Variants in SRCAP observed in about 807,000 individuals in gnomAD.
SRCAP encodes the protein Snf2 related CREBBP activator protein, also known as chromatin remodeling protein SRCAP.
In SRCAP, 46 loss-of-function variants were observed where a neutral mutation model predicts 263.1. The ratio of observed to expected loss-of-function variants is 0.17; its 90% CI spans 0.14 to 0.22. The LOEUF is 0.22. SRCAP is among the 10% of genes least tolerant of loss of function. SRCAP has a pLI of 1.00. For synonymous variants in SRCAP, 1,813 were observed against 1,662.1 expected (o/e 1.09, Z -2.21); for missense variants, 3,695 against 4,181.9 (o/e 0.88, Z 3.21).
chr16:30,721,152 A>T (rs750923887), intron 20 of SRCAP, 37 bp from the exon 21 acceptor site: 1 of 1,565,586 alleles, frequency 6.4e-7, no homozygotes, highest in African/African-American at 1.4e-5. Flanking sequence ...GGCTTTAGTC[A>T]GGGTATATCT....
chr16:30,717,610 C>CTT (rs34512915), intron 18 of SRCAP, among the ~76,000 whole-genome samples: 38,149 of 91,250 alleles, frequency 0.42, 11,518 homozygotes, highest in East Asian at 0.77. Flanking sequence ...CCAAGCCTGG[C>CTT]TTTTTTTTTT....
chr16:30,728,856 T>C (rs1055949887), intron 25 of SRCAP, 110 bp from the exon 26 acceptor site: 3 of 1,314,092 alleles, frequency 2.3e-6, no homozygotes, highest in African/African-American at 1.5e-5. Context: ...GCATAGTGTA[T>C]TTTTGGATCC....
chr16:30,730,338 C>CGCTTAGACCACAAGAGCATTT (rs11268096), intron 27 of SRCAP, among the ~76,000 whole-genome samples: 2 of 152,158 alleles, frequency 1.3e-5, no homozygotes, highest in South Asian at 2.1e-4. Context: ...AACTAACAGT[C>CGCTTAGACCACAAGAGCATTT]ATTGTTTTCT....
At chr16:30,721,577 C>T in intron 21 of SRCAP, 101 bp downstream of exon 21, 1 of 1,453,282 alleles carries the variant, frequency 6.9e-7, no homozygotes, top group Non-Finnish European at 9.2e-7. Flanking sequence ...CATGATGGCT[C>T]ATGCCTATAA....
Position 30,712,904 on chromosome 16 carries a change from T to C in SRCAP, c.2130+89T>C, listed in dbSNP as rs540648031. 6 of 1,479,500 alleles carry C rather than the reference T, an allele frequency of 4.1e-6. No individual in the cohort carries two copies. In the Admixed American group the frequency reaches 7.1e-5, roughly 18 times the overall value. The allele number at this position is 1,479,500 out of a possible 1,614,324, so 91.6% of individuals were successfully genotyped here. ...TCAGGTGAATTCCTTTCTCTCCTCT[T>C]TCTTTTTTAAAAAAAATTTTTTAAT... On this transcript the variant is annotated intron_variant, in intron 14 of 33. Transcript: ENST00000262518.
At position 30,733,997 on chromosome 16, in the gene SRCAP, T is replaced by C. The variant is rs749536337; in HGVS notation, c.6598T>C (p.Tyr2200His). The C allele has an allele frequency of 6.2e-7, 1 of 1,608,260 alleles. No homozygotes were observed. The change falls in exon 30 of 34, where the codon TAT (tyrosine) becomes CAT (histidine). Residue 2200 changes from tyrosine (Y) to histidine (H), a missense_variant. By Grantham distance (83) the Tyr-to-His change is moderately conservative. This residue lies in a region of SRCAP where 138 missense variants were observed against 254.9 expected (regional missense o/e 0.54). Coordinates refer to ENST00000262518, the MANE Select transcript of SRCAP (RefSeq NM_006662.3). The surrounding 1 kb of genome is among the most constrained non-coding windows in gnomAD (Gnocchi z 5.3). ...AIEGGNFTTA[Y>H]FKQQTIRELF... ...TGAGGGAGGCAACTTCACCACAGCCTATTTCAAACAGGTACTAAGTAAGAT... is the reference window on the plus strand; with the variant it reads ...TGAGGGAGGCAACTTCACCACAGCCCATTTCAAACAGGTACTAAGTAAGAT...
chr16:30,714,576 T>G (rs2052927441), intron 16 of SRCAP, among the ~76,000 whole-genome samples: 1 of 134,562 alleles, frequency 7.4e-6, no homozygotes, highest in Non-Finnish European at 1.6e-5. Flanking sequence ...ATCTGGCTCA[T>G]TGCAACCTCC....
At chr16:30,714,936 C>A (rs1183863388) in intron 16 of SRCAP, among the ~76,000 whole-genome samples, 1 of 152,088 alleles carries the variant, frequency 6.6e-6, no homozygotes, top group African/African-American at 2.4e-5. Context: ...TCTCTCTGGT[C>A]TTCTTTGGCT....
Position 30,716,287 on chromosome 16 carries a change from C to T in SRCAP, c.2631-6C>T. 4 of 1,613,722 alleles carry T rather than the reference C, an allele frequency of 2.5e-6. No individual in the cohort carries two copies. Among genetic ancestry groups the T allele is most frequent in the Non-Finnish European group, 2.5e-6 (3 of 1,179,734 alleles). The stretch of plus-strand genomic sequence containing the variant: ...GACGTCTCATTTATTTTTCCTCTTT[C>T]CCCAGAACTAAGGAGACACTAGCCA... On this transcript the variant is annotated splice_polypyrimidine_tract_variant and splice_region_variant and intron_variant, in intron 17 of 33. Coordinates refer to ENST00000262518, the MANE Select transcript of SRCAP (RefSeq NM_006662.3).
At chr16:30,710,673 T>C in intron 8 of SRCAP, 81 bp from the exon 9 acceptor site, 2 of 1,387,100 alleles carry the variant, frequency 1.4e-6, no homozygotes, top group Non-Finnish European at 2.1e-6. Context: ...GTGATTCTCC[T>C]GTGACACCTT....
chr16:30,736,496 T>C (rs1327603264), intron 32 of SRCAP, 45 bp from the exon 33 acceptor site: 7 of 1,612,952 alleles, frequency 4.3e-6, no homozygotes, highest in Non-Finnish European at 3.4e-6. Context: ...GGTGGGGCCC[T>C]GGGTACCAGG....
Position 30,707,779 on chromosome 16 carries a change from AATG to A in SRCAP, c.633+70_633+72del, listed in dbSNP as rs570285253. ...GATTGGTAGATGGCGTGGTAGTAGG[AATG>A]ATCAAAACTTCTTGAGGGAGTAAAT... On this transcript the variant is annotated intron_variant, in intron 6 of 33. Transcript: ENST00000262518. The A allele has an allele frequency of 1.4e-4, 215 of 1,576,638 alleles. No individual in the cohort carries two copies. In the African/African-American group the frequency reaches 2.8e-3, roughly 20 times the overall value.
intron 3 of SRCAP, among the ~76,000 whole-genome samples, chr16:30,702,331 C>G (rs924000698): frequency 6.6e-6 from 1 of 151,976 alleles, no homozygotes; most frequent in African/African-American, 2.4e-5. Context: ...CTCCTGGGTT[C>G]AAGTGATTCT....
Position 30,734,607 on chromosome 16 carries a change from C to G in SRCAP, c.6721C>G (p.Leu2241Val). ...ETVASKQTHI[L>V]EQALCRAEDE... ...TGTGGCCAGCAAGCAGACTCATATT[C>G]TGGAGCAGGTAAAAAAAGAGTGGGC... is the stretch of plus-strand genomic sequence containing the variant. Residue 2241 changes from leucine (L) to valine (V), a missense_variant, in exon 31 of 34, where the codon CTG (leucine) becomes GTG (valine). Leu to Val is a conservative substitution (Grantham distance 32). Transcript: ENST00000262518. The G allele has an allele frequency of 6.2e-7, 1 of 1,614,026 alleles. No homozygotes were observed.
Position 30,709,678 on chromosome 16 carries a change from G to C in SRCAP, c.799G>C (p.Gly267Arg), listed in dbSNP as rs776551448. The change falls in exon 7 of 34, where the codon GGC becomes CGC. Residue 267 changes from glycine (G) to arginine (R), a missense_variant. Gly to Arg is a moderately radical substitution (Grantham distance 125). Around this residue, in one of 12 missense-constraint regions of SRCAP, gnomAD observed 44 missense variants for 42.9 expected, o/e 1.03. Coordinates refer to ENST00000262518, the MANE Select transcript of SRCAP (RefSeq NM_006662.3). ...CAAAGCAGGCTCTTCCCCTTGCCTC[G>C]GCTCTTCCTCAGCTGCCTCCAGTCC... Reference protein sequence around the residue: ...SSKAGSSPCLGSSSAASSPPP... With the variant: ...SSKAGSSPCLRSSSAASSPPP... 1 of 1,613,908 alleles carries C rather than the reference G, an allele frequency of 6.2e-7. No individual in the cohort carries two copies. Among genetic ancestry groups the C allele is most frequent in the African/African-American group, 1.3e-5 (1 of 74,874 alleles).
In SRCAP at chr16:30,740,107, T is replaced by TA; in HGVS notation, c.*377dup. On this transcript the variant is annotated 3_prime_UTR_variant, in exon 34 of 34. Coordinates refer to ENST00000262518, the MANE Select transcript of SRCAP (RefSeq NM_006662.3). ...TTTTTTTTTTAAGAAGAAAAAATAA[T>TA]AAACTTAGTTTCTGTATGAGCATCC... is the stretch of plus-strand genomic sequence containing the variant. The TA allele has an allele frequency of 6.2e-6, 1 of 161,838 alleles. No homozygotes were observed. The highest frequency in any genetic ancestry group is 2.1e-4 in the South Asian group (1 of 4,860). The allele number at this position is 161,838 out of a possible 1,614,324, so 10.0% of individuals were successfully genotyped here. A position where few individuals can be genotyped will look rare whatever the true frequency, so the allele number is the denominator to read the frequency against.
chr16:30,720,948 C>T lies in SRCAP; in HGVS notation c.3223C>T (p.Leu1075=). Residue 1075 remains leucine, a synonymous_variant, in exon 20 of 34, where the codon CTG becomes TTG. Coordinates refer to ENST00000262518, the MANE Select transcript of SRCAP (RefSeq NM_006662.3). ...TCCTGGCCCTGTCCTCTTGCCTCCA[C>T]TGCAGCCCAACAGTGGTTCTCTCCC... ...RPPGPVLLPP[L]QPNSGSLPQV... The T allele has an allele frequency of 6.2e-7, 1 of 1,612,024 alleles. No homozygotes were observed. Among genetic ancestry groups the T allele is most frequent in the Non-Finnish European group, 8.5e-7 (1 of 1,178,876 alleles).
rs1467125883 is a variant in SRCAP at position 30,738,751 on chromosome 16, C to G, written c.8711C>G (p.Ala2904Gly). The G allele has an allele frequency of 1.9e-6, 3 of 1,613,896 alleles. No homozygotes were observed. The highest frequency in any genetic ancestry group is 2.5e-6 in the Non-Finnish European group (3 of 1,179,970). ...PVPGPETLIV[A>G]DPVLEPQLIP... is the part of the protein sequence containing the mutation. ...CCTGGGCCTGAGACCCTAATTGTTG[C>G]AGATCCTGTCCTGGAACCACAGCTT... The change falls in exon 34 of 34, where the codon GCA becomes GGA. Residue 2904 changes from alanine to glycine, a missense_variant. Physicochemically the swap from Ala to Gly is moderately conservative, Grantham distance 60 (BLOSUM62 0). Transcript: ENST00000262518.
At position 30,739,745 on chromosome 16, in the gene SRCAP, C is replaced by A. The variant is rs761359958; in HGVS notation, c.*12C>A. Reference sequence around the variant, plus strand: ...AGGCCAAGACGTGAGTGGGCTGCCCCTCCACCTAGGCTTTCCACCGTGGCC... The same window carrying A: ...AGGCCAAGACGTGAGTGGGCTGCCCATCCACCTAGGCTTTCCACCGTGGCC... On this transcript the variant is annotated 3_prime_UTR_variant, in exon 34 of 34. Coordinates refer to ENST00000262518, the MANE Select transcript of SRCAP (RefSeq NM_006662.3). 6 of 1,462,540 alleles carry A rather than the reference C, an allele frequency of 4.1e-6. No individual in the cohort carries two copies. The South Asian group carries it at 8.6e-5, about 21-fold the overall frequency. 90.6% of individuals were successfully genotyped at this position (1,462,540 alleles called of 1,614,324 possible).
Sources: allele counts gnomAD v4.1 joint callset (sites outside exome capture counted in the v4.1 genomes callset), GRCh38; gene constraint gnomAD v4.1.1; regional missense constraint gnomAD v4.1.1; non-coding constraint Gnocchi (gnomAD v3.1); transcripts MANE v1.5; gene names NCBI Gene and HGNC (gene_info 2026-07-23, HGNC 2026-07-21).